Variants in RPA2 observed in about 807,000 individuals in gnomAD.
RPA2 encodes replication protein A2.
In RPA2, 22 loss-of-function variants were observed where a neutral mutation model predicts 33.4. That is an observed-to-expected ratio of 0.66 (90% CI 0.47 to 0.94). The LOEUF (loss-of-function observed/expected upper bound fraction) is 0.94, where lower values mean the gene tolerates loss of function less well. Ranked by LOEUF, RPA2 falls within the 40% of genes least tolerant of loss-of-function variation. The pLI, the probability that RPA2 is intolerant of heterozygous loss-of-function variation, is 0.00. For synonymous variants in RPA2, 109 were observed against 114.9 expected, an observed-to-expected ratio of 0.95 and a Z score of 0.33; for missense variants, 279 against 329.9, an observed-to-expected ratio of 0.85 and a Z score of 1.19.
chr1:27,894,209 C>T, intron 7 of RPA2, 81 bp downstream of exon 7: 3 of 1,501,000 alleles, frequency 2.0e-6, no homozygotes, highest in Non-Finnish European at 2.8e-6. Context: ...GGTACTTAAA[C>T]AGTCGTAGCT....
chr1:27,908,863 TA>T (rs2090064168), intron 2 of RPA2, among the ~76,000 whole-genome samples: 1 of 152,054 alleles, frequency 6.6e-6, no homozygotes, highest in Non-Finnish European at 1.5e-5. Context: ...TGGCAAGAGG[TA>T]GTCTGGGTAA....
chr1:27,903,696 A>G (rs557796557), intron 4 of RPA2, among the ~76,000 whole-genome samples: 2 of 149,318 alleles, frequency 1.3e-5, no homozygotes, highest in East Asian at 2.0e-4. Context: ...TCCAGCCCGG[A>G]TAACACGAGT....
intron 4 of RPA2, 132 bp downstream of exon 4, chr1:27,906,796 T>G: frequency 1.6e-6 from 1 of 623,830 alleles, no homozygotes; most frequent in East Asian, 2.8e-5. Context: ...TACTAACCTT[T>G]TACTTTAGAG....
chr1:27,912,314 T>C (rs1386665414), intron 2 of RPA2, among the ~76,000 whole-genome samples: 4 of 150,618 alleles, frequency 2.7e-5, no homozygotes, highest in African/African-American at 9.8e-5. Flanking sequence ...GAGGCTGAGG[T>C]GGGTGGATTG....
intron 4 of RPA2, among the ~76,000 whole-genome samples, chr1:27,899,569 T>A (rs139927763): frequency 2.3e-3 from 348 of 150,542 alleles, no homozygotes; most frequent in African/African-American, 7.7e-3. Context: ...ATATACAACA[T>A]TTTGAATCCA....
chr1:27,899,164 G>A (rs1193416013), intron 4 of RPA2, among the ~76,000 whole-genome samples: 1 of 152,164 alleles, frequency 6.6e-6, no homozygotes, highest in Non-Finnish European at 1.5e-5. Context: ...CTTGAGGTTA[G>A]GAGTTCGAGA....
chr1:27,897,086 G>A lies in RPA2; in HGVS notation c.444C>T (p.Pro148=). The change falls in exon 6 of 9, where the codon CCC becomes CCT. Residue 148 remains proline (P), a synonymous_variant. Coordinates refer to ENST00000373912, the MANE Select transcript of RPA2 (RefSeq NM_002946.5). ...TGGTGAACTCATTCATATCCTCCAGGGGCATGATCTTAAAGGCTACCAGGC... is the reference window on the plus strand; with the variant it reads ...TGGTGAACTCATTCATATCCTCCAGAGGCATGATCTTAAAGGCTACCAGGC... ...KKSLVAFKIM[P]LEDMNEFTTH... is the part of the protein sequence containing the mutation. 6.2e-7 allele frequency: 1 copy of A among 1,613,858 alleles called. No individual in the cohort carries two copies. The highest frequency in any genetic ancestry group is 2.2e-5 in the East Asian group (1 of 44,876).
chr1:27,912,480 A>C (rs566896716), intron 2 of RPA2, among the ~76,000 whole-genome samples: 2 of 152,192 alleles, frequency 1.3e-5, no homozygotes, highest in South Asian at 4.1e-4. Context: ...TGAGGCATGG[A>C]GGTCCAAGCT....
At position 27,908,513 on chromosome 1, in the gene RPA2, T is replaced by C. The variant is rs568103396; in HGVS notation, c.118-1231A>G. 2.0e-5 allele frequency among the ~76,000 whole-genome samples: 3 copies of C among 151,998 alleles called. No individual in the cohort carries two copies. In the East Asian group the frequency reaches 5.8e-4, roughly 29 times the overall value. On this transcript the variant is annotated intron_variant, in intron 2 of 8. Coordinates refer to ENST00000373912, the MANE Select transcript of RPA2 (RefSeq NM_002946.5). ...CACACTCAAATTATATCTTTTTTTTTGAGATGGAGTCTCACTCTGTTGCCT... is the reference window on the plus strand; with the variant it reads ...CACACTCAAATTATATCTTTTTTTTCGAGATGGAGTCTCACTCTGTTGCCT...
Position 27,894,077 on chromosome 1 carries a change from T to C in RPA2, c.663A>G (p.Arg221=), listed in dbSNP as rs2089859461. 1 of 1,614,108 alleles carries C rather than the reference T, an allele frequency of 6.2e-7. No individual in the cohort carries two copies. Among genetic ancestry groups the C allele is most frequent in the Non-Finnish European group, 8.5e-7 (1 of 1,179,980 alleles). Residue 221 remains arginine (R), a synonymous_variant, in exon 8 of 9, where the codon AGA becomes AGG. Transcript: ENST00000373912. ...QVLNLIKACP[R]PEGLNFQDLK... ...GATCCTGAAAGTTCAACCCTTCAGG[T>C]CTTGGACAAGCCTTAATCAAATTCA...
chr1:27,914,356 T>C (rs1445288403), intron 1 of RPA2, 78 bp downstream of exon 1: 1 of 1,613,884 alleles, frequency 6.2e-7, no homozygotes, highest in Admixed American at 1.7e-5. Flanking sequence ...ACCACACGCC[T>C]CTCGGACCCT....
At chr1:27,894,518 A>G (rs2089866042) in intron 6 of RPA2, 121 bp from the exon 7 acceptor site, 1 of 706,334 alleles carries the variant, frequency 1.4e-6, no homozygotes, top group African/African-American at 1.8e-5. Context: ...CCCAGTTTAT[A>G]ACACTGCTTA....
At chr1:27,914,016 G>C (rs776862948) in intron 2 of RPA2, 47 bp downstream of exon 2, 1 of 1,491,400 alleles carries the variant, frequency 6.7e-7, no homozygotes, top group South Asian at 1.4e-5. Flanking sequence ...ATGACTCAGG[G>C]ACTTCAGGAC....
chr1:27,905,094 A>G (rs1405856128), intron 4 of RPA2, among the ~76,000 whole-genome samples: 1 of 152,238 alleles, frequency 6.6e-6, no homozygotes, highest in African/African-American at 2.4e-5. Context: ...ATCCATGTTT[A>G]TAAAGACACT....
intron 6 of RPA2, 38 bp downstream of exon 6, chr1:27,896,967 C>A: frequency 6.7e-7 from 1 of 1,482,256 alleles, no homozygotes; most frequent in African/African-American, 1.4e-5. Flanking sequence ...TGTGTTCTTC[C>A]AGGGAAGAGA....
chr1:27,910,352 C>T (rs2749118), intron 2 of RPA2, among the ~76,000 whole-genome samples: 7,271 of 152,212 alleles, frequency 0.048, 486 homozygotes, highest in African/African-American at 0.16. Flanking sequence ...AAAAATGTTA[C>T]ATATAGGTAA....
chr1:27,897,737 GT>G, intron 4 of RPA2, 30 bp from the exon 5 acceptor site: 3 of 1,482,536 alleles, frequency 2.0e-6, no homozygotes, highest in Non-Finnish European at 2.8e-6. Flanking sequence ...TGTCATTAAA[GT>G]TTTAGTGATG....
intron 2 of RPA2, among the ~76,000 whole-genome samples, chr1:27,909,534 C>T (rs1395457507): frequency 6.6e-6 from 1 of 151,996 alleles, no homozygotes; most frequent in Non-Finnish European, 1.5e-5. Context: ...CATGGCGAAA[C>T]CCCATTTCTA....
intron 4 of RPA2, 64 bp from the exon 5 acceptor site, chr1:27,897,771 T>C: frequency 8.5e-7 from 1 of 1,176,028 alleles, no homozygotes; most frequent in South Asian, 1.6e-5. Context: ...TCTTTAACGT[T>C]TCTATATTAT....
Sources: gnomAD v4.1 joint callset for allele counts (sites outside exome capture counted in the v4.1 genomes callset) on GRCh38, gnomAD v4.1.1 for gene constraint, MANE v1.5 for transcripts, NCBI Gene and HGNC (gene_info 2026-07-23, HGNC 2026-07-21) for gene names.